PCDHGB5: variants seen among roughly 807,000 people sequenced by gnomAD.
The protein encoded by PCDHGB5 is protocadherin gamma subfamily B, 5.
Under a neutral mutation model 62.9 loss-of-function variants are expected in PCDHGB5, and 48 were observed. The ratio of observed to expected loss-of-function variants is 0.76; its 90% CI spans 0.61 to 0.97. The LOEUF is 0.97. PCDHGB5 is among the 50% of genes least tolerant of loss of function. The pLI, the probability that PCDHGB5 is intolerant of heterozygous loss-of-function variation, is 0.00. For missense variants in PCDHGB5, 1,118 were observed against 1,198.6 expected (o/e 0.93, Z 0.99); for synonymous variants, 474 against 511.2 (o/e 0.93, Z 0.98).
At position 141,487,493 on chromosome 5, in the gene PCDHGB5, C is replaced by A. The variant is rs1372433097; in HGVS notation, c.2398-7314C>A. 5.6e-6 allele frequency: 9 copies of A among 1,614,050 alleles called. No individual in the cohort carries two copies. The highest frequency in any genetic ancestry group is 6.8e-6 in the Non-Finnish European group (8 of 1,180,034). On this transcript the variant is annotated intron_variant, in intron 1 of 3. Coordinates refer to ENST00000617380, the MANE Select transcript of PCDHGB5 (RefSeq NM_018925.3). This position sits in a 1 kb window ranked among gnomAD's most constrained non-coding sequence, Gnocchi z 5.0. ...GGGAGGCCACTCTCATGGCTGTACACCCTTGGCTTCTGCACCCACTCGGAG... is the reference window on the plus strand; with the variant it reads ...GGGAGGCCACTCTCATGGCTGTACAACCTTGGCTTCTGCACCCACTCGGAG...
rs191909737 is a variant in PCDHGB5 at position 141,405,622 on chromosome 5, G to A, written c.2397+5098G>A. 9.3e-3 allele frequency: 5,090 copies of A among 544,656 alleles called. 46 individuals are homozygous for A. The highest frequency in any genetic ancestry group is 0.017 in the Admixed American group (494 of 29,130). The allele number at this position is 544,656 out of a possible 1,614,324, so 33.7% of individuals were successfully genotyped here. On this transcript the variant is annotated intron_variant, in intron 1 of 3. Transcript: ENST00000617380. ...GTAGAATAACTGGGACTACAGGCAC[G>A]TGCCACCACGCCCGGCTAATTTTTT...
intron 1 of PCDHGB5, chr5:141,416,195 CAATT>C (rs1181982521): frequency 6.6e-6 from 1 of 152,322 alleles, no homozygotes; most frequent in African/African-American, 2.4e-5. Flanking sequence ...ATTGAATTAA[CAATT>C]TATTTATAAC....
intron 1 of PCDHGB5, chr5:141,423,110 G>C: frequency 6.2e-7 from 1 of 1,613,842 alleles, no homozygotes; most frequent in Non-Finnish European, 8.5e-7. Context: ...GGCGAGGTGC[G>C]TACAGCGCGG....
intron 2 of PCDHGB5, among the ~76,000 whole-genome samples, chr5:141,502,866 C>CTTTTTT (rs549047197): frequency 2.0e-4 from 26 of 128,026 alleles, no homozygotes; most frequent in African/African-American, 6.2e-4. Flanking sequence ...GACTCTCTGT[C>CTTTTTT]TTTTTTTTTT....
intron 1 of PCDHGB5, chr5:141,422,466 G>T: frequency 1.2e-6 from 2 of 1,613,528 alleles, no homozygotes; most frequent in Non-Finnish European, 1.7e-6. Flanking sequence ...TGCTGGACAG[G>T]GAGTTGGTCC....
intron 1 of PCDHGB5, chr5:141,419,409 A>G: frequency 6.2e-7 from 1 of 1,613,462 alleles, no homozygotes; most frequent in Non-Finnish European, 8.5e-7. Flanking sequence ...GTGTTCGCGC[A>G]GCGCGCCTTC....
At position 141,476,973 on chromosome 5, in the gene PCDHGB5, A is replaced by C. The variant is rs1205314116; in HGVS notation, c.2398-17834A>C. Reference sequence around the variant, plus strand: ...GAAATTATTTACTCCTTCGGCAGCCACAACCGCGCCGGCGTGCGGCAACTA... The same window carrying C: ...GAAATTATTTACTCCTTCGGCAGCCCCAACCGCGCCGGCGTGCGGCAACTA... On this transcript the variant is annotated intron_variant, in intron 1 of 3. Coordinates refer to ENST00000617380, the MANE Select transcript of PCDHGB5 (RefSeq NM_018925.3). The surrounding 1 kb of genome is among the most constrained non-coding windows in gnomAD (Gnocchi z 7.6). 6.2e-7 allele frequency: 1 copy of C among 1,614,230 alleles called. No homozygotes were observed. The highest frequency in any genetic ancestry group is 2.2e-5 in the East Asian group (1 of 44,884).
rs145288114 is a variant in PCDHGB5 at position 141,477,334 on chromosome 5, C to T, written c.2398-17473C>T. On this transcript the variant is annotated intron_variant, in intron 1 of 3. Coordinates refer to ENST00000617380, the MANE Select transcript of PCDHGB5 (RefSeq NM_018925.3). This position sits in a 1 kb window ranked among gnomAD's most constrained non-coding sequence, Gnocchi z 4.9. ...GCCTTACTTCTTCCCTCAAGAATTA[C>T]TTCACTTTGAAAACCAGTGCAGACC... is the stretch of plus-strand genomic sequence containing the variant. 1.3e-4 allele frequency: 215 copies of T among 1,614,074 alleles called. No homozygotes were observed. Among genetic ancestry groups the T allele is most frequent in the Non-Finnish European group, 1.8e-4 (210 of 1,180,044 alleles).
At chr5:141,422,561 A>T in intron 1 of PCDHGB5, 1 of 1,613,992 alleles carries the variant, frequency 6.2e-7, no homozygotes, top group Non-Finnish European at 8.5e-7. Context: ...AATGTGGCAG[A>T]TGACAACGAT....
At chr5:141,418,752 C>T (rs2096284996) in intron 1 of PCDHGB5, 1 of 1,613,874 alleles carries the variant, frequency 6.2e-7, no homozygotes, top group African/African-American at 1.3e-5. Flanking sequence ...GATTACACTA[C>T]AGGAAACATT....
At position 141,418,416 on chromosome 5, in the gene PCDHGB5, C is replaced by A. The variant is rs377542164; in HGVS notation, c.2397+17892C>A. On this transcript the variant is annotated intron_variant, in intron 1 of 3. Transcript: ENST00000617380. ...TTCTCATTGGTGGAGAAAGACAATC[C>A]TGATGGTGGCAAATATCCAGAATTA... The A allele has an allele frequency of 3.7e-6, 6 of 1,613,866 alleles. No individual in the cohort carries two copies. The African/African-American group carries it at 8.0e-5, about 22-fold the overall frequency.
Position 141,476,075 on chromosome 5 carries a change from G to T in PCDHGB5, c.2398-18732G>T. ...TGAAAGTTTCTCAGCGAAATCTCAG[G>T]GACGATCTGGACCCCGCTGAGAGGA... On this transcript the variant is annotated intron_variant, in intron 1 of 3. Coordinates refer to ENST00000617380, the MANE Select transcript of PCDHGB5 (RefSeq NM_018925.3). This position sits in a 1 kb window ranked among gnomAD's most constrained non-coding sequence, Gnocchi z 7.6. The T allele has an allele frequency of 6.6e-7, 1 of 1,526,282 alleles. No homozygotes were observed. The highest frequency in any genetic ancestry group is 1.3e-5 in the South Asian group (1 of 78,462). The allele number at this position is 1,526,282 out of a possible 1,614,324, so 94.5% of individuals were successfully genotyped here.
intron 1 of PCDHGB5, chr5:141,402,863 A>C: frequency 1.2e-5 from 17 of 1,429,924 alleles, no homozygotes; most frequent in Non-Finnish European, 1.6e-5. Flanking sequence ...TCTAAGGAAA[A>C]GATCACCATA....
Position 141,418,795 on chromosome 5 carries a change from A to G in PCDHGB5, c.2397+18271A>G, listed in dbSNP as rs373690093. The G allele has an allele frequency of 6.8e-6, 11 of 1,613,740 alleles. No homozygotes were observed. The African/African-American group carries it at 1.5e-4, about 22-fold the overall frequency. On this transcript the variant is annotated intron_variant, in intron 1 of 3. Transcript: ENST00000617380. Reference sequence around the variant, plus strand: ...AGCAGCCTTTGGATTTTGAAGAAGTAGAAAGATATACGATAAACATAGAAG... The same window carrying G: ...AGCAGCCTTTGGATTTTGAAGAAGTGGAAAGATATACGATAAACATAGAAG...
chr5:141,458,394 T>A (rs2098944697), intron 1 of PCDHGB5, among the ~76,000 whole-genome samples: 1 of 152,062 alleles, frequency 6.6e-6, no homozygotes, highest in African/African-American at 2.4e-5. Context: ...ACGCTCCCCC[T>A]TGCAGAGACG....
Position 141,432,701 on chromosome 5 carries a change from G to A in PCDHGB5, c.2397+32177G>A, listed in dbSNP as rs200101512. ...GCAGAGCCTCGTAGTGGCCGTCCAG[G>A]ACCACGGCCAGCCCCCTCTCTCCGC... On this transcript the variant is annotated intron_variant, in intron 1 of 3. Coordinates refer to ENST00000617380, the MANE Select transcript of PCDHGB5 (RefSeq NM_018925.3). This position sits in a 1 kb window ranked among gnomAD's most constrained non-coding sequence, Gnocchi z 6.0. The A allele has an allele frequency of 2.7e-5, 44 of 1,613,842 alleles. No homozygotes were observed. The Admixed American group carries it at 5.3e-4, about 20-fold the overall frequency.
intron 1 of PCDHGB5, chr5:141,441,795 C>T (rs569465359): frequency 2.6e-6 from 1 of 387,758 alleles, no homozygotes; most frequent in Non-Finnish European, 5.1e-6. Flanking sequence ...TGACAACGCA[C>T]CGCGGGTGCT....
At chr5:141,419,617 C>G (rs780077182) in intron 1 of PCDHGB5, 1 of 1,612,280 alleles carries the variant, frequency 6.2e-7, no homozygotes. Flanking sequence ...AGCCAGGCTA[C>G]CTGGTGACCA....
At chr5:141,462,335 A>G in intron 1 of PCDHGB5, among the ~76,000 whole-genome samples, 1 of 152,220 alleles carries the variant, frequency 6.6e-6, no homozygotes, top group East Asian at 1.9e-4. Context: ...ATTTAATTGT[A>G]TTGTGATCCA....
Sources: allele counts gnomAD v4.1 joint callset (sites outside exome capture counted in the v4.1 genomes callset), GRCh38; gene constraint gnomAD v4.1.1; non-coding constraint Gnocchi (gnomAD v3.1); transcripts MANE v1.5; gene names NCBI Gene and HGNC (gene_info 2026-07-23, HGNC 2026-07-21).